The following LINGO2 variants were observed in gnomAD, a reference collection of about 807,000 sequenced individuals.
LINGO2 encodes leucine-rich repeat and immunoglobulin-like domain-containing nogo receptor-interacting protein 2.
A neutral mutation model predicts 30.6 loss-of-function variants in LINGO2; 14 were observed. The ratio of observed to expected loss-of-function variants is 0.46; its 90% CI spans 0.30 to 0.72. The LOEUF (loss-of-function observed/expected upper bound fraction) is 0.72. Ranked by LOEUF, LINGO2 falls within the 30% of genes least tolerant of loss-of-function variation. The pLI is 0.07. For missense variants in LINGO2, 729 were observed against 751.7 expected (o/e 0.97, Z 0.35); for synonymous variants, 317 against 288.5 (o/e 1.10, Z -1.00).
the LINGO2 span, among the ~76,000 whole-genome samples, chr9:29,167,729 A>AC: frequency 6.6e-6 from 1 of 152,186 alleles, no homozygotes; most frequent in Admixed American, 6.5e-5. Flanking sequence ...AAGGTGTCTT[A>AC]CCTTGTATCT....
At chr9:28,867,177 G>T in the LINGO2 span, among the ~76,000 whole-genome samples, 7 of 152,082 alleles carry the variant, frequency 4.6e-5, no homozygotes, top group Non-Finnish European at 5.9e-5. Flanking sequence ...GAGTGGGAAG[G>T]CAAGTTCAGA....
chr9:29,150,736 G>C, the LINGO2 span, among the ~76,000 whole-genome samples: 1 of 152,206 alleles, frequency 6.6e-6, no homozygotes, highest in South Asian at 2.1e-4. Context: ...CAAAACCTCT[G>C]AGAAATACGG....
chr9:29,086,600 AAAGT>A, the LINGO2 span, among the ~76,000 whole-genome samples: 1 of 152,174 alleles, frequency 6.6e-6, no homozygotes, highest in African/African-American at 2.4e-5. Flanking sequence ...TTCTTCTAGG[AAAGT>A]AAGAGAAGGT....
At chr9:28,908,140 TAC>T in the LINGO2 span, among the ~76,000 whole-genome samples, 1,429 of 92,822 alleles carry the variant, frequency 0.015, 22 homozygotes, top group African/African-American at 0.051. Context: ...TGGGAAGCTA[TAC>T]ACACACACAC....
chr9:28,578,125 T>G (rs1349007734), intron 1 of LINGO2, among the ~76,000 whole-genome samples: 1 of 152,128 alleles, frequency 6.6e-6, no homozygotes, highest in East Asian at 1.9e-4. Flanking sequence ...TGGAAGGTAA[T>G]GATGCAAGAT....
intron 4 of LINGO2, among the ~76,000 whole-genome samples, chr9:28,254,983 A>T (rs893390834): frequency 6.6e-6 from 1 of 151,992 alleles, no homozygotes; most frequent in African/African-American, 2.4e-5. Context: ...TCTCATCAAG[A>T]AATACCAAAT....
At chr9:28,772,858 T>A in the LINGO2 span, among the ~76,000 whole-genome samples, 5 of 152,116 alleles carry the variant, frequency 3.3e-5, no homozygotes, top group African/African-American at 9.7e-5. Flanking sequence ...GGCAATACTA[T>A]CAATCTACAA....
chr9:28,191,653 C>T (rs1271785367), intron 4 of LINGO2, among the ~76,000 whole-genome samples: 1 of 152,072 alleles, frequency 6.6e-6, no homozygotes, highest in Non-Finnish European at 1.5e-5. Context: ...AGGAACATGA[C>T]ATGTGCTCAG....
the LINGO2 span, among the ~76,000 whole-genome samples, chr9:28,739,955 T>A: frequency 1.3e-5 from 2 of 150,352 alleles, no homozygotes; most frequent in African/African-American, 4.9e-5. Context: ...TATATATTTT[T>A]TTTTTCTAGA....
At chr9:28,088,730 A>T (rs10968338) in intron 4 of LINGO2, among the ~76,000 whole-genome samples, 5 of 152,102 alleles carry the variant, frequency 3.3e-5, no homozygotes, top group Non-Finnish European at 5.9e-5. Context: ...CCTTAAATGT[A>T]AATGGGCTAA....
chr9:28,953,140 G>C, the LINGO2 span, among the ~76,000 whole-genome samples: 1 of 152,102 alleles, frequency 6.6e-6, no homozygotes, highest in African/African-American at 2.4e-5. Flanking sequence ...TGTTTGGTCT[G>C]AGACTATTGG....
chr9:28,133,800 T>C (rs1312487270), intron 4 of LINGO2, among the ~76,000 whole-genome samples: 2 of 152,206 alleles, frequency 1.3e-5, no homozygotes, highest in Non-Finnish European at 2.9e-5. Context: ...TCTTGGGATC[T>C]TTATTTTCAT....
At chr9:29,170,916 C>G in the LINGO2 span, among the ~76,000 whole-genome samples, 29 of 152,040 alleles carry the variant, frequency 1.9e-4, no homozygotes, top group Admixed American at 1.9e-3. Flanking sequence ...TGCAGATAAA[C>G]TTTTTCACAT....
chr9:28,321,715 C>T (rs1203129857), intron 3 of LINGO2, among the ~76,000 whole-genome samples: 1 of 152,152 alleles, frequency 6.6e-6, no homozygotes, highest in Non-Finnish European at 1.5e-5. Flanking sequence ...TTCTCAATTT[C>T]ATTGTTGATC....
chr9:28,290,617 A>C (rs1315639284), intron 4 of LINGO2, among the ~76,000 whole-genome samples: 2 of 152,194 alleles, frequency 1.3e-5, no homozygotes, highest in African/African-American at 2.4e-5. Context: ...CTAGAGGTTT[A>C]TATAGCAGGG....
chr9:29,035,679 A>C, the LINGO2 span, among the ~76,000 whole-genome samples: 2 of 151,684 alleles, frequency 1.3e-5, no homozygotes, highest in African/African-American at 4.8e-5. Context: ...GAAATGGAGA[A>C]GAGAGGAAAG....
chr9:28,006,684 G>A (rs1373113512), intron 5 of LINGO2, among the ~76,000 whole-genome samples: 1 of 151,994 alleles, frequency 6.6e-6, no homozygotes, highest in African/African-American at 2.4e-5. Context: ...AATCTCTCAA[G>A]GATAGATGAA....
At chr9:28,149,777 G>A (rs1463522930) in intron 4 of LINGO2, among the ~76,000 whole-genome samples, 1 of 146,472 alleles carries the variant, frequency 6.8e-6, no homozygotes, top group Non-Finnish European at 1.5e-5. Flanking sequence ...GAGGAGCACT[G>A]CCTCTGCCCG....
chr9:28,033,659 T>A lies in LINGO2; in HGVS notation c.-86-21254A>T, dbSNP rs80132363. Among the ~76,000 whole-genome samples the A allele has an allele frequency of 7.1e-3, 1,077 of 152,192 alleles. 9 individuals carry two copies. The highest frequency in any genetic ancestry group is 0.024 in the African/African-American group (1,002 of 41,518). The stretch of plus-strand genomic sequence containing the variant: ...TACTTTTATAATGGCAAAAAAAAAA[T>A]TACTTCAAAATTTTTTGCAGTGTTT... On this transcript the variant is annotated intron_variant, in intron 4 of 5. Coordinates refer to ENST00000379992, the Ensembl canonical transcript of LINGO2.
Sources: gnomAD v4.1 joint callset for allele counts (sites outside exome capture counted in the v4.1 genomes callset) on GRCh38, gnomAD v4.1.1 for gene constraint, MANE v1.5 for transcripts, NCBI Gene and HGNC (gene_info 2026-07-23, HGNC 2026-07-21) for gene names.